TNFSF4: variants seen among roughly 807,000 people sequenced by gnomAD.
The protein encoded by TNFSF4 is tumor necrosis factor ligand superfamily member 4.
Under a neutral mutation model 7.3 loss-of-function variants are expected in TNFSF4, and 4 were observed. The observed-to-expected ratio is 0.55, with a 90% CI of 0.27 to 1.25. The LOEUF is 1.25. Ranked by LOEUF, TNFSF4 falls within the 50% of genes most tolerant of loss-of-function variation. TNFSF4 has a pLI of 0.12. For synonymous variants in TNFSF4, 76 were observed against 83.7 expected, an observed-to-expected ratio of 0.91 and a Z score of 0.50; for missense variants, 181 against 208.8, an observed-to-expected ratio of 0.87 and a Z score of 0.82.
chr1:173,319,066 T>C, the TNFSF4 span, among the ~76,000 whole-genome samples: 1 of 152,156 alleles, frequency 6.6e-6, no homozygotes, highest in African/African-American at 2.4e-5. Context: ...CACAATCCCA[T>C]GGAGCTCAGC....
chr1:173,380,880 G>A, the TNFSF4 span, among the ~76,000 whole-genome samples: 4 of 152,066 alleles, frequency 2.6e-5, no homozygotes, highest in African/African-American at 9.7e-5. Flanking sequence ...CCCAGCTAAG[G>A]TATATTCTTC....
chr1:173,329,789 G>GT, the TNFSF4 span, among the ~76,000 whole-genome samples: 6 of 151,182 alleles, frequency 4.0e-5, no homozygotes, highest in South Asian at 2.1e-4. Context: ...AAGAAATATG[G>GT]TTTTTTTTAA....
chr1:173,218,517 C>T, the TNFSF4 span, among the ~76,000 whole-genome samples: 1 of 152,054 alleles, frequency 6.6e-6, no homozygotes, highest in African/African-American at 2.4e-5. Context: ...CAGAAGCCCC[C>T]TCTCCTTTCA....
At chr1:173,311,727 C>A in the TNFSF4 span, among the ~76,000 whole-genome samples, 1 of 151,956 alleles carries the variant, frequency 6.6e-6, no homozygotes, top group Admixed American at 6.6e-5. Context: ...CAGGAAGAGC[C>A]CCTTCCTCCT....
At chr1:173,402,615 C>T in the TNFSF4 span, among the ~76,000 whole-genome samples, 2 of 152,216 alleles carry the variant, frequency 1.3e-5, no homozygotes, top group Non-Finnish European at 2.9e-5. Context: ...CCCCAGAGCA[C>T]TATTTCTCAT....
At chr1:173,229,388 A>AT in the TNFSF4 span, among the ~76,000 whole-genome samples, 1 of 152,216 alleles carries the variant, frequency 6.6e-6, no homozygotes, top group African/African-American at 2.4e-5. Context: ...GTGCTGAGAG[A>AT]TTTTGTCAGA....
At chr1:173,351,572 T>A in the TNFSF4 span, 1 of 190,906 alleles carries the variant, frequency 5.2e-6, no homozygotes, top group South Asian at 1.9e-4. Context: ...GCTTCAAAAT[T>A]TTTTAATTTG....
At chr1:173,255,486 C>T in the TNFSF4 span, among the ~76,000 whole-genome samples, 1 of 152,186 alleles carries the variant, frequency 6.6e-6, no homozygotes, top group African/African-American at 2.4e-5. Flanking sequence ...ATTGTATTGG[C>T]TATTTGGTAT....
the TNFSF4 span, among the ~76,000 whole-genome samples, chr1:173,262,583 T>C: frequency 6.7e-6 from 1 of 149,526 alleles, no homozygotes; most frequent in Non-Finnish European, 1.5e-5. Flanking sequence ...AGAAATCATC[T>C]CAGCCCAAAA....
the TNFSF4 span, among the ~76,000 whole-genome samples, chr1:173,262,434 C>G: frequency 6.6e-6 from 1 of 152,196 alleles, no homozygotes; most frequent in Middle Eastern, 3.4e-3. Context: ...ACAAGGATGC[C>G]TCCTCTCACC....
chr1:173,363,639 T>A, the TNFSF4 span: 4 of 385,378 alleles, frequency 1.0e-5, no homozygotes, highest in Non-Finnish European at 5.1e-6. Flanking sequence ...ATGGATGTAC[T>A]ACATTTGGAG....
At chr1:173,205,323 T>C (rs1650138726) in intron 1 of TNFSF4, 5 of 1,612,112 alleles carry the variant, frequency 3.1e-6, no homozygotes, top group African/African-American at 2.7e-5. Flanking sequence ...TGAGGTTTAG[T>C]GTCCTAGAAA....
chr1:173,389,094 C>A, the TNFSF4 span, among the ~76,000 whole-genome samples: 1 of 152,188 alleles, frequency 6.6e-6, no homozygotes, highest in Admixed American at 6.5e-5. Context: ...ATTAGGTACA[C>A]TAACTGAGAA....
chr1:173,181,958 G>A (rs1649062740), downstream of TNFSF4, among the ~76,000 whole-genome samples: 1 of 152,082 alleles, frequency 6.6e-6, no homozygotes, highest in Non-Finnish European at 1.5e-5. Context: ...AAATTCCAAA[G>A]GGCTGCCAAA....
the TNFSF4 span, among the ~76,000 whole-genome samples, chr1:173,355,012 C>T: frequency 2.6e-4 from 40 of 152,328 alleles, no homozygotes; most frequent in African/African-American, 9.1e-4. Flanking sequence ...AAAACCTATG[C>T]GTAGTTGGGA....
At chr1:173,416,794 G>A in the TNFSF4 span, among the ~76,000 whole-genome samples, 2 of 151,510 alleles carry the variant, frequency 1.3e-5, no homozygotes, top group South Asian at 2.1e-4. Flanking sequence ...ACAGGGTTTC[G>A]CCATGTTGCC....
the TNFSF4 span, among the ~76,000 whole-genome samples, chr1:173,357,188 T>G: frequency 6.6e-6 from 1 of 152,212 alleles, no homozygotes; most frequent in South Asian, 2.1e-4. Flanking sequence ...TAGGAGCCTA[T>G]GTTGTTTTAA....
chr1:173,202,221 A>T (rs1030211086), intron 1 of TNFSF4, among the ~76,000 whole-genome samples: 3 of 152,106 alleles, frequency 2.0e-5, no homozygotes, highest in Non-Finnish European at 2.9e-5. Flanking sequence ...CTAGATCTAT[A>T]CCTAGAGCCT....
the TNFSF4 span, among the ~76,000 whole-genome samples, chr1:173,368,925 A>G: frequency 1.3e-5 from 2 of 152,160 alleles, no homozygotes; most frequent in African/African-American, 4.8e-5. Context: ...AATGATTTCT[A>G]GTATAAATTT....
Sources: gnomAD v4.1 joint callset for allele counts (sites outside exome capture counted in the v4.1 genomes callset) on GRCh38, gnomAD v4.1.1 for gene constraint, MANE v1.5 for transcripts, NCBI Gene and HGNC (gene_info 2026-07-23, HGNC 2026-07-21) for gene names.